Variants in CACNA2D3 observed in about 807,000 individuals in gnomAD.
The protein encoded by CACNA2D3 is voltage-dependent calcium channel subunit alpha-2/delta-3.
A neutral mutation model predicts 160.6 loss-of-function variants in CACNA2D3; 60 were observed. The observed-to-expected ratio is 0.37, with a 90% CI of 0.30 to 0.46. The LOEUF is 0.46. Among genes scored for constraint, CACNA2D3 ranks in the 20% least tolerant of loss-of-function variants. CACNA2D3 has a pLI of 1.00. For missense variants in CACNA2D3, 1,205 were observed against 1,365.0 expected (o/e 0.88, Z 1.85); for synonymous variants, 558 against 492.9 (o/e 1.13, Z -1.75).
At chr3:54,323,473 T>C (rs1400623042) in intron 3 of CACNA2D3, among the ~76,000 whole-genome samples, 1 of 150,298 alleles carries the variant, frequency 6.7e-6, no homozygotes, top group Non-Finnish European at 1.5e-5. Context: ...CTTTTCTTTT[T>C]TTTTTTTTTT....
rs557126412 is a variant in CACNA2D3 at position 54,233,696 on chromosome 3, C to T, written c.205-86746C>T. Reference sequence around the variant, plus strand: ...AATCTGAACTTCTTGGCATTCTAATCCAAGGAGGAGTTGCTTGCAAGCAAG... The same window carrying T: ...AATCTGAACTTCTTGGCATTCTAATTCAAGGAGGAGTTGCTTGCAAGCAAG... On this transcript the variant is annotated intron_variant, in intron 2 of 37. Coordinates refer to ENST00000474759, the MANE Select transcript of CACNA2D3 (RefSeq NM_018398.3). Among the ~76,000 whole-genome samples the T allele has an allele frequency of 3.9e-5, 6 of 152,284 alleles. No individual in the cohort carries two copies. The East Asian group carries it at 1.2e-3, about 29-fold the overall frequency.
At chr3:54,560,648 C>G (rs1702309945) in intron 5 of CACNA2D3, among the ~76,000 whole-genome samples, 1 of 152,126 alleles carries the variant, frequency 6.6e-6, no homozygotes, top group Non-Finnish European at 1.5e-5. Flanking sequence ...GAAATATTTG[C>G]CTGTGCCTGT....
chr3:54,400,888 A>G (rs1231452462), intron 4 of CACNA2D3, among the ~76,000 whole-genome samples: 6 of 152,186 alleles, frequency 3.9e-5, no homozygotes, highest in African/African-American at 1.2e-4. Flanking sequence ...TTCTCTAGTA[A>G]CTTACTCCAA....
intron 3 of CACNA2D3, among the ~76,000 whole-genome samples, chr3:54,341,306 T>G (rs1698336241): frequency 6.6e-6 from 1 of 152,194 alleles, no homozygotes; most frequent in African/African-American, 2.4e-5. Flanking sequence ...GGCTGATCAG[T>G]CATCCTGATA....
At chr3:54,531,128 C>T (rs1458680108) in intron 5 of CACNA2D3, among the ~76,000 whole-genome samples, 3 of 152,210 alleles carry the variant, frequency 2.0e-5, no homozygotes, top group Non-Finnish European at 4.4e-5. Flanking sequence ...GTGTGCTGGT[C>T]GAGGATGGAT....
At chr3:54,347,038 C>A (rs1325436128) in intron 3 of CACNA2D3, among the ~76,000 whole-genome samples, 1 of 152,184 alleles carries the variant, frequency 6.6e-6, no homozygotes, top group Non-Finnish European at 1.5e-5. Context: ...GTGAAGGTTA[C>A]AAATGCGATG....
At chr3:54,348,925 A>G (rs1316143161) in intron 3 of CACNA2D3, among the ~76,000 whole-genome samples, 1 of 152,100 alleles carries the variant, frequency 6.6e-6, no homozygotes, top group Non-Finnish European at 1.5e-5. Flanking sequence ...ACGGGGTTAC[A>G]CTATGTTGGC....
At chr3:54,376,230 A>G (rs1239828030) in intron 3 of CACNA2D3, among the ~76,000 whole-genome samples, 3 of 141,600 alleles carry the variant, frequency 2.1e-5, no homozygotes, top group African/African-American at 7.8e-5. Context: ...CAGACAGGAG[A>G]GACTAGGCAG....
intron 18 of CACNA2D3, 58 bp downstream of exon 18, chr3:54,871,680 AC>A: frequency 7.5e-7 from 1 of 1,339,872 alleles, no homozygotes; most frequent in Non-Finnish European, 1.1e-6. Flanking sequence ...CCACTTCTGT[AC>A]CTGGGGGCGA....
At chr3:54,571,660 G>T (rs1028628478) in intron 8 of CACNA2D3, among the ~76,000 whole-genome samples, 9 of 135,544 alleles carry the variant, frequency 6.6e-5, no homozygotes, top group African/African-American at 1.9e-4. Flanking sequence ...TGTGTGTGTG[G>T]TGGACACTTA....
intron 11 of CACNA2D3, among the ~76,000 whole-genome samples, chr3:54,676,086 T>A (rs1700238032): frequency 6.6e-6 from 1 of 152,172 alleles, no homozygotes; most frequent in Non-Finnish European, 1.5e-5. Flanking sequence ...TCCCTGAGCC[T>A]CCAGTTCCTC....
chr3:54,881,203 C>T (rs1285190986), intron 21 of CACNA2D3, among the ~76,000 whole-genome samples: 2 of 152,124 alleles, frequency 1.3e-5, no homozygotes, highest in African/African-American at 2.4e-5. Flanking sequence ...CAAGTATATT[C>T]TTCTCATACA....
At chr3:54,238,439 G>A (rs928678955) in intron 2 of CACNA2D3, among the ~76,000 whole-genome samples, 1 of 152,212 alleles carries the variant, frequency 6.6e-6, no homozygotes, top group Non-Finnish European at 1.5e-5. Flanking sequence ...TTTTATGGCA[G>A]TCCCACTATG....
chr3:54,676,504 G>T (rs1001915881), intron 11 of CACNA2D3, among the ~76,000 whole-genome samples: 3 of 152,162 alleles, frequency 2.0e-5, no homozygotes, highest in Non-Finnish European at 4.4e-5. Flanking sequence ...AGGGGTGTGT[G>T]CTGGGCCCCT....
intron 11 of CACNA2D3, among the ~76,000 whole-genome samples, chr3:54,751,970 GT>G (rs1402156743): frequency 6.6e-6 from 1 of 152,200 alleles, no homozygotes; most frequent in Non-Finnish European, 1.5e-5. Flanking sequence ...ATAAGAGAGG[GT>G]TGAGAAACCA....
chr3:54,888,772 C>T (rs1044339441), intron 24 of CACNA2D3, among the ~76,000 whole-genome samples: 6 of 151,676 alleles, frequency 4.0e-5, no homozygotes, highest in African/African-American at 1.2e-4. Context: ...ATTGTATCTT[C>T]CCTTCCATCC....
chr3:54,748,055 C>T lies in CACNA2D3; in HGVS notation c.1168-4544C>T, dbSNP rs1701787773. 2.6e-5 allele frequency among the ~76,000 whole-genome samples: 4 copies of T among 152,196 alleles called. No homozygotes were observed. In the South Asian group the frequency reaches 8.3e-4, roughly 32 times the overall value. On this transcript the variant is annotated intron_variant, in intron 11 of 37. Transcript: ENST00000474759. ...TGGTAGCCCTGGCACCAAGAATGGTCCCTGGCACATAGTAGTCACTCATGA... is the reference window on the plus strand; with the variant it reads ...TGGTAGCCCTGGCACCAAGAATGGTTCCTGGCACATAGTAGTCACTCATGA...
chr3:54,405,844 A>C (rs1341775793), intron 4 of CACNA2D3, among the ~76,000 whole-genome samples: 1 of 81,990 alleles, frequency 1.2e-5, no homozygotes, highest in African/African-American at 3.9e-5. Context: ...AACTCATACA[A>C]CTCAATAGCA....
At chr3:54,467,039 T>G (rs1700640729) in intron 4 of CACNA2D3, among the ~76,000 whole-genome samples, 1 of 152,232 alleles carries the variant, frequency 6.6e-6, no homozygotes, top group African/African-American at 2.4e-5. Context: ...ACTTAAAAGT[T>G]AAATATTTTT....
Sources: allele counts gnomAD v4.1 joint callset (sites outside exome capture counted in the v4.1 genomes callset), GRCh38; gene constraint gnomAD v4.1.1; transcripts MANE v1.5; gene names NCBI Gene and HGNC (gene_info 2026-07-23, HGNC 2026-07-21).